Variants in PRKN observed in about 807,000 individuals in gnomAD.
The protein encoded by PRKN is parkin RBR E3 ubiquitin protein ligase, also known as E3 ubiquitin-protein ligase parkin.
Under a neutral mutation model 59.5 loss-of-function variants are expected in PRKN, and 56 were observed. That is an observed-to-expected ratio of 0.94 (90% CI 0.76 to 1.18). The LOEUF (loss-of-function observed/expected upper bound fraction) is 1.18, where lower values mean the gene tolerates loss of function less well. Ranked by LOEUF, PRKN falls within the 50% of genes most tolerant of loss-of-function variation. PRKN has a pLI of 0.00. For missense variants in PRKN, 657 were observed against 596.4 expected (o/e 1.10, Z -1.06); for synonymous variants, 250 against 222.1 (o/e 1.13, Z -1.12).
At chr6:161,754,531 G>A (rs1356463730) in intron 7 of PRKN, among the ~76,000 whole-genome samples, 1 of 152,096 alleles carries the variant, frequency 6.6e-6, no homozygotes, top group Admixed American at 6.5e-5. Flanking sequence ...TGAGAGTAGA[G>A]AAGACAGCGG....
intron 7 of PRKN, among the ~76,000 whole-genome samples, chr6:161,597,573 G>A (rs539855357): frequency 6.6e-6 from 1 of 152,022 alleles, no homozygotes; most frequent in Non-Finnish European, 1.5e-5. Flanking sequence ...CCACATTCCC[G>A]GACAAAACTT....
intron 1 of PRKN, among the ~76,000 whole-genome samples, chr6:162,497,051 A>C (rs970386413): frequency 6.6e-6 from 1 of 152,214 alleles, no homozygotes; most frequent in Admixed American, 6.5e-5. Flanking sequence ...GATTTATCTT[A>C]GTGATGTTGT....
At chr6:162,268,610 T>A (rs1264789260) in intron 2 of PRKN, among the ~76,000 whole-genome samples, 2 of 152,198 alleles carry the variant, frequency 1.3e-5, no homozygotes, top group Non-Finnish European at 2.9e-5. Context: ...GTTTTACAGA[T>A]TACTTATTGT....
chr6:161,524,497 C>A (rs1050839599), intron 9 of PRKN, among the ~76,000 whole-genome samples: 7 of 152,078 alleles, frequency 4.6e-5, no homozygotes, highest in Admixed American at 2.6e-4. Context: ...GGCTGCATGC[C>A]CCTGTGCTCA....
chr6:162,075,428 T>C (rs1466617841), intron 4 of PRKN, among the ~76,000 whole-genome samples: 2 of 151,660 alleles, frequency 1.3e-5, no homozygotes, highest in Non-Finnish European at 2.9e-5. Context: ...AGTATAGTAC[T>C]CTAACTCCCC....
chr6:161,411,222 C>T (rs778976376), intron 9 of PRKN, among the ~76,000 whole-genome samples: 60 of 152,232 alleles, frequency 3.9e-4, no homozygotes, highest in Middle Eastern at 3.4e-3. Flanking sequence ...AATCCCCACA[C>T]GTCAAGAGTG....
rs567288739 is a variant in PRKN, at chr6:162,611,967, T to C, written c.7+115695A>G. ...TTGGGAGGCCAAGGCGGGCGTATCA[T>C]AAGGTCAGGAGATCGAGACCATCCT... On this transcript the variant is annotated intron_variant, in intron 1 of 11. Coordinates refer to ENST00000366898, the MANE Select transcript of PRKN (RefSeq NM_004562.3). Among the ~76,000 whole-genome samples, 419 of 150,984 alleles carry C rather than the reference T, an allele frequency of 2.8e-3. 4 individuals carry two copies. The highest frequency in any genetic ancestry group is 0.017 in the East Asian group (85 of 5,092).
At chr6:162,295,203 C>A (rs1242679572) in intron 2 of PRKN, among the ~76,000 whole-genome samples, 1 of 152,138 alleles carries the variant, frequency 6.6e-6, no homozygotes, top group Non-Finnish European at 1.5e-5. Context: ...CGCTCGGTAC[C>A]CATATGGAGG....
In PRKN at chr6:161,475,925, G is replaced by A. The variant is rs892514412; in HGVS notation, c.1083+72929C>T. 1.3e-5 allele frequency among the ~76,000 whole-genome samples: 2 copies of A among 151,934 alleles called. No individual in the cohort carries two copies. Among genetic ancestry groups the A allele is most frequent in the African/African-American group, 4.8e-5 (2 of 41,402 alleles). On this transcript the variant is annotated intron_variant, in intron 9 of 11. Transcript: ENST00000366898. The surrounding 1 kb of genome is among the most constrained non-coding windows in gnomAD (Gnocchi z 5.3). ...AGATAGGCTGGTCGCGGTGGCTCAC[G>A]CCTGTAATCCCAGCATTTTGGGAGG...
chr6:161,358,432 T>C (rs1011230520), intron 11 of PRKN, among the ~76,000 whole-genome samples: 3 of 152,124 alleles, frequency 2.0e-5, no homozygotes, highest in South Asian at 2.1e-4. Flanking sequence ...GGCCGACATA[T>C]AGTGAAATCC....
At chr6:162,248,221 T>G (rs2128094544) in intron 3 of PRKN, among the ~76,000 whole-genome samples, 1 of 152,298 alleles carries the variant, frequency 6.6e-6, no homozygotes, top group African/African-American at 2.4e-5. Flanking sequence ...AATCTGTTAC[T>G]AATCGAACAT....
chr6:161,526,340 T>C lies in PRKN; in HGVS notation c.1083+22514A>G, dbSNP rs1338264195. On this transcript the variant is annotated intron_variant, in intron 9 of 11. Coordinates refer to ENST00000366898, the MANE Select transcript of PRKN (RefSeq NM_004562.3). The surrounding 1 kb of genome is among the most constrained non-coding windows in gnomAD (Gnocchi z 4.1). ...CTGTTCAACAGATTACAGTTGCTTA[T>C]TGTATTGTACTTGAGTATTGAATAA... is the stretch of plus-strand genomic sequence containing the variant. Among the ~76,000 whole-genome samples, 1 of 152,236 alleles carries C rather than the reference T, an allele frequency of 6.6e-6. No individual in the cohort carries two copies. Among genetic ancestry groups the C allele is most frequent in the East Asian group, 1.9e-4 (1 of 5,200 alleles).
intron 2 of PRKN, among the ~76,000 whole-genome samples, chr6:162,404,971 G>A (rs991199770): frequency 2.6e-5 from 4 of 152,180 alleles, no homozygotes; most frequent in Admixed American, 6.5e-5. Context: ...AAATAGAAAT[G>A]AAACCAAGCA....
intron 1 of PRKN, among the ~76,000 whole-genome samples, chr6:162,651,815 T>C (rs900764754): frequency 6.6e-6 from 1 of 150,494 alleles, no homozygotes; most frequent in African/African-American, 2.5e-5. Flanking sequence ...ATGATAAAAA[T>C]AATATTTCTA....
At chr6:162,603,021 C>T (rs1444961824) in intron 1 of PRKN, among the ~76,000 whole-genome samples, 1 of 152,134 alleles carries the variant, frequency 6.6e-6, no homozygotes, top group Non-Finnish European at 1.5e-5. Context: ...ACCCCAGAAG[C>T]TCCAGGATGC....
At chr6:161,944,786 A>G (rs1779719669) in intron 6 of PRKN, among the ~76,000 whole-genome samples, 1 of 152,242 alleles carries the variant, frequency 6.6e-6, no homozygotes, top group African/African-American at 2.4e-5. Context: ...TAGTCATGAA[A>G]TCTATGTTAG....
chr6:161,770,381 G>A (rs1789613745), intron 7 of PRKN, among the ~76,000 whole-genome samples: 1 of 151,994 alleles, frequency 6.6e-6, no homozygotes, highest in Non-Finnish European at 1.5e-5. Context: ...GATAAAATGT[G>A]TACCCCCAAA....
rs1790540009 is a variant in PRKN, at chr6:161,467,534, G to A, written c.1084-80657C>T. On this transcript the variant is annotated intron_variant, in intron 9 of 11. Coordinates refer to ENST00000366898, the MANE Select transcript of PRKN (RefSeq NM_004562.3). The surrounding 1 kb of genome is among the most constrained non-coding windows in gnomAD (Gnocchi z 4.3). The stretch of plus-strand genomic sequence containing the variant: ...TACAATTTTAATACAATGCTTTACT[G>A]TTGTATAACAGAGAAACATGCAGAT... Among the ~76,000 whole-genome samples the A allele has an allele frequency of 1.3e-5, 2 of 152,174 alleles. No individual in the cohort carries two copies. Among genetic ancestry groups the A allele is most frequent in the African/African-American group, 4.8e-5 (2 of 41,442 alleles).
chr6:162,199,197 C>A (rs960287834), intron 4 of PRKN, among the ~76,000 whole-genome samples: 1 of 148,506 alleles, frequency 6.7e-6, no homozygotes, highest in Non-Finnish European at 1.5e-5. Context: ...TGACATCTAT[C>A]GTAATTATAT....
Sources: allele counts gnomAD v4.1 joint callset (sites outside exome capture counted in the v4.1 genomes callset), GRCh38; gene constraint gnomAD v4.1.1; non-coding constraint Gnocchi (gnomAD v3.1); transcripts MANE v1.5; gene names NCBI Gene and HGNC (gene_info 2026-07-23, HGNC 2026-07-21).